PDE10A: variants seen among roughly 807,000 people sequenced by gnomAD.
PDE10A encodes phosphodiesterase 10A.
PDE10A carries 39 observed loss-of-function variants against 97.7 expected under a neutral mutation model. That is an observed-to-expected ratio of 0.40 (90% confidence interval 0.31 to 0.52). The LOEUF (loss-of-function observed/expected upper bound fraction) is 0.52. Among genes scored for constraint, PDE10A ranks in the 20% least tolerant of loss-of-function variants. The pLI, the probability that PDE10A is intolerant of heterozygous loss-of-function variation, is 0.56. For synonymous variants in PDE10A, 371 were observed against 376.8 expected, an observed-to-expected ratio of 0.98 and a Z score of 0.18; for missense variants, 731 against 1,047.8, an observed-to-expected ratio of 0.70 and a Z score of 4.17.
At chr6:165,831,996 C>T (rs1018180706) in intron 1 of PDE10A, among the ~76,000 whole-genome samples, 1 of 152,042 alleles carries the variant, frequency 6.6e-6, no homozygotes, top group African/African-American at 2.4e-5. Flanking sequence ...ACCACAGAAA[C>T]CTCCAACTAC....
intron 1 of PDE10A, chr6:165,894,460 A>G (rs1177876557): frequency 2.2e-6 from 1 of 455,936 alleles, no homozygotes; most frequent in African/African-American, 2.0e-5. Context: ...AATCAATTGA[A>G]CAAGTGGTGG....
chr6:165,578,761 G>A (rs761891252), intron 1 of PDE10A, among the ~76,000 whole-genome samples: 3 of 152,030 alleles, frequency 2.0e-5, no homozygotes, highest in African/African-American at 4.8e-5. Context: ...TGTCCCAACC[G>A]CCCAAAAGTC....
chr6:165,518,987 G>A (rs1313722792), intron 2 of PDE10A, among the ~76,000 whole-genome samples: 4 of 152,150 alleles, frequency 2.6e-5, no homozygotes, highest in African/African-American at 9.7e-5. Flanking sequence ...GGAAACTACT[G>A]TACTTACTGG....
At chr6:165,572,293 A>C (rs1785086098) in intron 1 of PDE10A, among the ~76,000 whole-genome samples, 1 of 152,252 alleles carries the variant, frequency 6.6e-6, no homozygotes, top group Non-Finnish European at 1.5e-5. Context: ...TTACAGAATT[A>C]CTGAAATACA....
chr6:165,917,173 G>A (rs1483678835), intron 1 of PDE10A, among the ~76,000 whole-genome samples: 1 of 152,104 alleles, frequency 6.6e-6, no homozygotes, highest in Non-Finnish European at 1.5e-5. Context: ...GCAGACCCAG[G>A]GAGCAAGAGG....
At chr6:165,472,212 A>G (rs936247999) in intron 3 of PDE10A, among the ~76,000 whole-genome samples, 7 of 152,016 alleles carry the variant, frequency 4.6e-5, no homozygotes, top group Non-Finnish European at 1.0e-4. Flanking sequence ...TTCAATTTTG[A>G]TAATTTGTAA....
intron 18 of PDE10A, among the ~76,000 whole-genome samples, chr6:165,369,570 G>A: frequency 6.9e-6 from 1 of 145,982 alleles, no homozygotes; most frequent in Non-Finnish European, 1.5e-5. Flanking sequence ...AAGAAATATG[G>A]GACTATGTGA....
chr6:165,752,562 C>A (rs1193247576), intron 1 of PDE10A, among the ~76,000 whole-genome samples: 1 of 152,144 alleles, frequency 6.6e-6, no homozygotes, highest in Non-Finnish European at 1.5e-5. Flanking sequence ...TACAGTAATT[C>A]TTCTACAATC....
At chr6:165,593,344 T>C (rs1786395116) in intron 1 of PDE10A, among the ~76,000 whole-genome samples, 1 of 152,068 alleles carries the variant, frequency 6.6e-6, no homozygotes, top group Non-Finnish European at 1.5e-5. Flanking sequence ...ATACCTAATG[T>C]AGATGACCGG....
intron 1 of PDE10A, among the ~76,000 whole-genome samples, chr6:165,637,573 T>G (rs1788936074): frequency 6.6e-6 from 1 of 152,214 alleles, no homozygotes; most frequent in African/African-American, 2.4e-5. Context: ...GAACGTCCTG[T>G]GTGTCGGGCA....
intron 1 of PDE10A, among the ~76,000 whole-genome samples, chr6:165,623,202 T>C (rs1419606688): frequency 1.3e-5 from 2 of 152,194 alleles, no homozygotes; most frequent in Non-Finnish European, 2.9e-5. Context: ...CTCAGCTCAC[T>C]GCAACCTCCA....
At chr6:165,959,587 A>T (rs1206244566) in intron 1 of PDE10A, among the ~76,000 whole-genome samples, 1 of 152,154 alleles carries the variant, frequency 6.6e-6, no homozygotes, top group Non-Finnish European at 1.5e-5. Context: ...CAGCTTAAAA[A>T]CTGTTTCCCT....
In PDE10A at chr6:165,869,328, C is replaced by T. The variant is rs551998989; in HGVS notation, c.-615+118201G>A. Among the ~76,000 whole-genome samples the T allele has an allele frequency of 2.7e-5, 4 of 146,894 alleles. 1 individual carries two copies. In the South Asian group the frequency reaches 6.8e-4, roughly 25 times the overall value. The stretch of plus-strand genomic sequence containing the variant: ...CCTAGCTGAAAAAAAATCCAGAAAG[C>T]AGTCTCATTTATAATACTACAAAAG... On this transcript the variant is annotated intron_variant, in intron 1 of 19. Transcript: ENST00000366882.
At chr6:165,383,632 A>C (rs1785069100) in intron 17 of PDE10A, among the ~76,000 whole-genome samples, 1 of 152,036 alleles carries the variant, frequency 6.6e-6, no homozygotes, top group East Asian at 1.9e-4. Flanking sequence ...ACTTGTGCCC[A>C]TATCAACAGC....
chr6:165,580,115 G>T (rs779773356), intron 1 of PDE10A, among the ~76,000 whole-genome samples: 3 of 152,042 alleles, frequency 2.0e-5, no homozygotes, highest in Non-Finnish European at 4.4e-5. Context: ...CTTCCGTTTT[G>T]TTCACTGATA....
intron 16 of PDE10A, among the ~76,000 whole-genome samples, chr6:165,390,028 T>A (rs187352437): frequency 6.6e-6 from 1 of 152,182 alleles, no homozygotes; most frequent in Non-Finnish European, 1.5e-5. Context: ...GTTTAAAGAA[T>A]ATTGACTCAA....
At chr6:165,965,900 C>A (rs747373661) in intron 1 of PDE10A, among the ~76,000 whole-genome samples, 40 of 152,158 alleles carry the variant, frequency 2.6e-4, no homozygotes, top group Non-Finnish European at 4.9e-4. Flanking sequence ...GCTTCTGATC[C>A]TTTTGTGAGT....
At chr6:165,658,659 A>C (rs1377580721) in intron 1 of PDE10A, among the ~76,000 whole-genome samples, 1 of 152,202 alleles carries the variant, frequency 6.6e-6, no homozygotes, top group Admixed American at 6.5e-5. Context: ...AATGCCACTC[A>C]CACTGGTCTG....
chr6:165,383,140 C>T (rs1785040971), intron 17 of PDE10A, among the ~76,000 whole-genome samples: 1 of 151,844 alleles, frequency 6.6e-6, no homozygotes, highest in African/African-American at 2.4e-5. Flanking sequence ...TCAAAAGCAA[C>T]AGATAATTTA....
Sources: gnomAD v4.1 joint callset for allele counts (sites outside exome capture counted in the v4.1 genomes callset) on GRCh38, gnomAD v4.1.1 for gene constraint, MANE v1.5 for transcripts, NCBI Gene and HGNC (gene_info 2026-07-23, HGNC 2026-07-21) for gene names.